Variants in ULK4 observed in about 807,000 individuals in gnomAD.
The protein encoded by ULK4 is unc-51 like kinase 4, also known as inactive serine/threonine-protein kinase ULK4.
Under a neutral mutation model 160.6 loss-of-function variants are expected in ULK4, and 133 were observed. That is an observed-to-expected ratio of 0.83 (90% CI 0.72 to 0.96). ULK4 has a LOEUF of 0.96. Among genes scored for constraint, ULK4 ranks in the 40% least tolerant of loss-of-function variants. ULK4 has a pLI of 0.00. For synonymous variants in ULK4, 534 were observed against 539.8 expected (o/e 0.99, Z 0.15); for missense variants, 1,580 against 1,499.5 (o/e 1.05, Z -0.89).
At chr3:41,733,744 T>C (rs2037918439) in intron 22 of ULK4, among the ~76,000 whole-genome samples, 1 of 131,994 alleles carries the variant, frequency 7.6e-6, no homozygotes, top group Non-Finnish European at 1.7e-5. Flanking sequence ...TTTTTTTTTT[T>C]TTTTTTTTTA....
At chr3:41,787,368 G>A (rs569477343) in intron 21 of ULK4, among the ~76,000 whole-genome samples, 76 of 152,272 alleles carry the variant, frequency 5.0e-4, no homozygotes, top group African/African-American at 1.7e-3. Flanking sequence ...TCAGCAGCCG[G>A]GGTAGCATCA....
intron 35 of ULK4, among the ~76,000 whole-genome samples, chr3:41,378,132 C>A (rs926442566): frequency 6.7e-6 from 1 of 148,990 alleles, no homozygotes; most frequent in African/African-American, 2.5e-5. Context: ...GAACAAAAAA[C>A]CAAACACCAC....
chr3:41,692,246 G>A (rs773583345), intron 27 of ULK4, among the ~76,000 whole-genome samples: 2 of 148,224 alleles, frequency 1.3e-5, no homozygotes, highest in Admixed American at 6.7e-5. Context: ...CCACCGCGCC[G>A]GCCCATTAAA....
At chr3:41,277,328 G>A (rs2079246614) in intron 35 of ULK4, among the ~76,000 whole-genome samples, 1 of 152,182 alleles carries the variant, frequency 6.6e-6, no homozygotes, top group Non-Finnish European at 1.5e-5. Context: ...TATCCCTGAT[G>A]AACATAAATG....
intron 17 of ULK4, among the ~76,000 whole-genome samples, chr3:41,871,047 C>A: frequency 6.6e-6 from 1 of 152,148 alleles, no homozygotes; most frequent in East Asian, 1.9e-4. Flanking sequence ...TAAAGAGGTG[C>A]CTTCTGCCAT....
At chr3:41,759,788 A>G (rs185306503) in intron 21 of ULK4, among the ~76,000 whole-genome samples, 3 of 152,318 alleles carry the variant, frequency 2.0e-5, no homozygotes, top group African/African-American at 7.2e-5. Flanking sequence ...ACAAGGAAAC[A>G]AACTAGAGTT....
At chr3:41,306,705 A>G (rs2079947281) in intron 35 of ULK4, among the ~76,000 whole-genome samples, 1 of 152,054 alleles carries the variant, frequency 6.6e-6, no homozygotes, top group South Asian at 2.1e-4. Flanking sequence ...GGAATAGAAA[A>G]GGGGGAAAGG....
At chr3:41,369,562 G>A (rs890710684) in intron 35 of ULK4, among the ~76,000 whole-genome samples, 27 of 151,832 alleles carry the variant, frequency 1.8e-4, no homozygotes, top group African/African-American at 6.5e-4. Flanking sequence ...AGAGGCCAAG[G>A]TGGGTGGATC....
chr3:41,300,687 CA>C (rs2079768360), intron 35 of ULK4, among the ~76,000 whole-genome samples: 1 of 151,570 alleles, frequency 6.6e-6, no homozygotes. Flanking sequence ...ACAAAAGCAT[CA>C]CACAGATCCC....
At chr3:41,688,761 T>G (rs1001978116) in intron 27 of ULK4, among the ~76,000 whole-genome samples, 1 of 152,212 alleles carries the variant, frequency 6.6e-6, no homozygotes, top group African/African-American at 2.4e-5. Flanking sequence ...TTATTTACTT[T>G]CCCATGATTC....
At position 41,836,599 on chromosome 3, in the gene ULK4, C is replaced by A. The variant is rs571156165; in HGVS notation, c.1657-628G>T. Among the ~76,000 whole-genome samples, 4 of 152,300 alleles carry A rather than the reference C, an allele frequency of 2.6e-5. No individual in the cohort carries two copies. The East Asian group carries it at 7.7e-4, about 29-fold the overall frequency. On this transcript the variant is annotated intron_variant, in intron 17 of 36. Coordinates refer to ENST00000301831, the MANE Select transcript of ULK4 (RefSeq NM_017886.4). ...GCAACTGGCCCCAAGCCATCCAGTTCACTTGGACAGCCAGGATCCTAAAAC... is the reference window on the plus strand; with the variant it reads ...GCAACTGGCCCCAAGCCATCCAGTTAACTTGGACAGCCAGGATCCTAAAAC...
chr3:41,922,940 G>A (rs907132910), intron 5 of ULK4, among the ~76,000 whole-genome samples: 1 of 152,070 alleles, frequency 6.6e-6, no homozygotes, highest in African/African-American at 2.4e-5. Context: ...GGGAGGCCGG[G>A]GTGGGCAAAT....
chr3:41,857,928 A>G (rs2042399618), intron 17 of ULK4, among the ~76,000 whole-genome samples: 1 of 151,744 alleles, frequency 6.6e-6, no homozygotes. Flanking sequence ...TTGATCTTTC[A>G]TATTGTTTCT....
At chr3:41,630,350 A>C (rs2033692788) in intron 30 of ULK4, among the ~76,000 whole-genome samples, 1 of 152,160 alleles carries the variant, frequency 6.6e-6, no homozygotes, top group Admixed American at 6.5e-5. Flanking sequence ...GTAGGGCTGA[A>C]GTCCTCATTT....
intron 32 of ULK4, among the ~76,000 whole-genome samples, chr3:41,506,807 T>TATGA (rs1559658299): frequency 9.0e-6 from 1 of 110,694 alleles, no homozygotes; most frequent in Non-Finnish European, 1.8e-5. Context: ...TATATATATA[T>TATGA]GAACATGTTT....
In ULK4 at chr3:41,776,219, T is replaced by G. The variant is rs192297638; in HGVS notation, c.2193+13442A>C. ...TTCAAGCATCTTTTCCCAAGTTTAC[T>G]GACCATTCCAATTTCTTCTTCTATA... On this transcript the variant is annotated intron_variant, in intron 21 of 36. Transcript: ENST00000301831. Among the ~76,000 whole-genome samples the G allele has an allele frequency of 2.2e-3, 328 of 151,166 alleles. 27 individuals are homozygous for G. The highest frequency in any genetic ancestry group is 7.8e-3 in the African/African-American group (315 of 40,448).
At chr3:41,488,458 C>A (rs1378177199) in intron 32 of ULK4, among the ~76,000 whole-genome samples, 2 of 152,206 alleles carry the variant, frequency 1.3e-5, no homozygotes, top group East Asian at 3.8e-4. Flanking sequence ...CAGATCATCT[C>A]TGGGAATCAG....
chr3:41,691,943 CTT>C lies in ULK4; in HGVS notation c.2782-10141_2782-10140del, dbSNP rs751734628. Among the ~76,000 whole-genome samples the C allele has an allele frequency of 1.5e-3, 147 of 96,312 alleles. 1 individual carries two copies. The highest frequency in any genetic ancestry group is 7.6e-3 in the African/African-American group (133 of 17,604). 63.2% of individuals were successfully genotyped at this position (96,312 alleles called of 152,430 possible). ...AAAAATTATCTTCATCAAATCACTT[CTT>C]TTTTTTTTTTTTTTTTTTTTTTTTG... On this transcript the variant is annotated intron_variant, in intron 27 of 36. Transcript: ENST00000301831.
chr3:41,960,749 A>G (rs770363723), intron 1 of ULK4, among the ~76,000 whole-genome samples: 5 of 152,202 alleles, frequency 3.3e-5, no homozygotes, highest in Non-Finnish European at 5.9e-5. Flanking sequence ...GTTCCCCATT[A>G]CAGACTTCCT....
Sources: gnomAD v4.1 joint callset for allele counts (sites outside exome capture counted in the v4.1 genomes callset) on GRCh38, gnomAD v4.1.1 for gene constraint, MANE v1.5 for transcripts, NCBI Gene and HGNC (gene_info 2026-07-23, HGNC 2026-07-21) for gene names.